The following RBFOX3 variants were observed in gnomAD, a reference collection of about 807,000 sequenced individuals.
RBFOX3 encodes the protein RNA binding fox-1 homolog 3, also known as RNA binding protein fox-1 homolog 3.
Under a neutral mutation model 48.7 loss-of-function variants are expected in RBFOX3, and 17 were observed. That is an observed-to-expected ratio of 0.35 (90% CI 0.24 to 0.52). The LOEUF is 0.52. Among genes scored for constraint, RBFOX3 ranks in the 20% least tolerant of loss-of-function variants. The probability of loss-of-function intolerance (pLI) is 0.94; values close to 1 mark genes in which losing one functional copy is unlikely to be tolerated. For missense variants in RBFOX3, 382 were observed against 497.5 expected (o/e 0.77, Z 2.21); for synonymous variants, 212 against 209.5 (o/e 1.01, Z -0.10).
At chr17:79,382,801 C>T (rs909513129) in intron 2 of RBFOX3, among the ~76,000 whole-genome samples, 2 of 152,208 alleles carry the variant, frequency 1.3e-5, no homozygotes, top group Non-Finnish European at 2.9e-5. Context: ...GGGCTCCTGC[C>T]ATCCTGGCGT....
At chr17:79,460,367 T>C (rs528153047) in intron 2 of RBFOX3, among the ~76,000 whole-genome samples, 1 of 152,106 alleles carries the variant, frequency 6.6e-6, no homozygotes, top group East Asian at 1.9e-4. Context: ...AGCAGCTTCC[T>C]AAAAGGCTTC....
chr17:79,135,883 G>C (rs985507131), intron 4 of RBFOX3: 4 of 152,254 alleles, frequency 2.6e-5, no homozygotes. Context: ...GCTATGAGCT[G>C]CTGAGAGCTG....
At chr17:79,228,462 A>G (rs1466924080) in intron 4 of RBFOX3, among the ~76,000 whole-genome samples, 1 of 152,080 alleles carries the variant, frequency 6.6e-6, no homozygotes, top group Non-Finnish European at 1.5e-5. Flanking sequence ...ACACAAACAC[A>G]CACACACTCA....
At chr17:79,602,930 C>T (rs1329708242) in intron 1 of RBFOX3, among the ~76,000 whole-genome samples, 2 of 151,830 alleles carry the variant, frequency 1.3e-5, no homozygotes, top group Non-Finnish European at 2.9e-5. Context: ...GATCCAATGC[C>T]ACTCCCTTTG....
chr17:79,152,537 C>G (rs1347198658), intron 4 of RBFOX3, among the ~76,000 whole-genome samples: 1 of 152,222 alleles, frequency 6.6e-6, no homozygotes, highest in African/African-American at 2.4e-5. Flanking sequence ...AGCTTCTTCA[C>G]CCCGCTTAAC....
intron 4 of RBFOX3, among the ~76,000 whole-genome samples, chr17:79,179,082 A>G (rs541613472): frequency 1.5e-4 from 23 of 152,382 alleles, no homozygotes; most frequent in African/African-American, 5.5e-4. Context: ...TCAACAGCCC[A>G]GGGAACAGAG....
At chr17:79,098,160 G>C (rs1355507234) in intron 9 of RBFOX3, 1 of 175,698 alleles carries the variant, frequency 5.7e-6, no homozygotes, top group Non-Finnish European at 1.2e-5. Flanking sequence ...CACCATCCGA[G>C]CTCCAGGTGG....
At position 79,337,496 on chromosome 17, in the gene RBFOX3, C is replaced by A. The variant is rs1261481611; in HGVS notation, c.-174-29672G>T. 3.3e-5 allele frequency among the ~76,000 whole-genome samples: 5 copies of A among 152,220 alleles called. No homozygotes were observed. In the East Asian group the frequency reaches 9.6e-4, roughly 29 times the overall value. ...ATCGGATCAAGAAAATGCAGTTGCGCCGGGCACGGTGGCTCACGCCTGTAA... is the reference window on the plus strand; with the variant it reads ...ATCGGATCAAGAAAATGCAGTTGCGACGGGCACGGTGGCTCACGCCTGTAA... On this transcript the variant is annotated intron_variant, in intron 2 of 14. Transcript: ENST00000693108.
intron 1 of RBFOX3, among the ~76,000 whole-genome samples, chr17:79,610,624 C>T (rs974250730): frequency 0.23 from 34,550 of 151,914 alleles, 8,673 homozygotes; most frequent in African/African-American, 0.63. Flanking sequence ...ACCCAGGGAC[C>T]CCGACCCCGC....
chr17:79,430,398 A>C (rs2068217317), intron 2 of RBFOX3, among the ~76,000 whole-genome samples: 1 of 152,244 alleles, frequency 6.6e-6, no homozygotes, highest in East Asian at 1.9e-4. Context: ...CCCTGCCTAC[A>C]GTTAAGGAGG....
At chr17:79,315,636 G>A (rs4790006) in intron 2 of RBFOX3, among the ~76,000 whole-genome samples, 149,271 of 152,370 alleles carry the variant, frequency 0.98, 73,202 homozygotes, top group East Asian at 1. Flanking sequence ...TAAAAGCCAC[G>A]TGATCAAATT....
chr17:79,383,955 T>C (rs4790024), intron 2 of RBFOX3, among the ~76,000 whole-genome samples: 29,779 of 151,762 alleles, frequency 0.2, 3,223 homozygotes, highest in South Asian at 0.3. Flanking sequence ...TCAGGGTATG[T>C]GGGGGAAGGC....
intron 5 of RBFOX3, among the ~76,000 whole-genome samples, chr17:79,109,552 C>A (rs575055186): frequency 1.3e-5 from 2 of 152,234 alleles, no homozygotes; most frequent in Non-Finnish European, 2.9e-5. Context: ...GAGGGGACGA[C>A]CTTACCCCTG....
rs946632189 is a variant in RBFOX3 at position 79,423,308 on chromosome 17, A to G, written c.-175+59146T>C. Among the ~76,000 whole-genome samples, 1 of 152,044 alleles carries G rather than the reference A, an allele frequency of 6.6e-6. No homozygotes were observed. Among genetic ancestry groups the G allele is most frequent in the African/African-American group, 2.4e-5 (1 of 41,374 alleles). On this transcript the variant is annotated intron_variant, in intron 2 of 14. Coordinates refer to ENST00000693108, the MANE Select transcript of RBFOX3 (RefSeq NM_001350451.2). The surrounding 1 kb of genome is among the most constrained non-coding windows in gnomAD (Gnocchi z 4.9). ...GACCGTCCTCGCCACGCCCCCATCG[A>G]CCAGGATGCCAGGAGCCAGGATGAT...
chr17:79,097,126 G>C (rs2075443437), intron 11 of RBFOX3, among the ~76,000 whole-genome samples, 166 bp downstream of exon 11: 1 of 151,978 alleles, frequency 6.6e-6, no homozygotes, highest in Non-Finnish European at 1.5e-5. Context: ...TAGGGGTGAA[G>C]ATAATGGAGG....
At chr17:79,579,739 G>A (rs1252315622) in intron 1 of RBFOX3, among the ~76,000 whole-genome samples, 1 of 150,046 alleles carries the variant, frequency 6.7e-6, no homozygotes, top group African/African-American at 2.5e-5. Flanking sequence ...CGCCGTGGTG[G>A]GGAGTCACTG....
intron 2 of RBFOX3, among the ~76,000 whole-genome samples, chr17:79,329,459 T>G (rs1363500192): frequency 6.6e-6 from 1 of 152,116 alleles, no homozygotes; most frequent in Admixed American, 6.5e-5. Flanking sequence ...ACCGTAGCAG[T>G]TCCTGCTGAT....
Position 79,368,750 on chromosome 17 carries a change from C to T in RBFOX3, c.-174-60926G>A, listed in dbSNP as rs74000006. On this transcript the variant is annotated intron_variant, in intron 2 of 14. Transcript: ENST00000693108. ...CCCTCCAGCCAGACACACGGGTGTC[C>T]GGGAGGTTGATCCTCAGCCAGGGCT... 3.6e-3 allele frequency among the ~76,000 whole-genome samples: 542 copies of T among 152,264 alleles called. 4 individuals are homozygous for T. Among genetic ancestry groups the T allele is most frequent in the African/African-American group, 0.013 (522 of 41,560 alleles).
At chr17:79,296,545 C>A (rs922012197) in intron 3 of RBFOX3, among the ~76,000 whole-genome samples, 2 of 152,076 alleles carry the variant, frequency 1.3e-5, no homozygotes, top group East Asian at 1.9e-4. Context: ...CCAGTCTAAC[C>A]CCTCCCCGGG....
Sources: gnomAD v4.1 joint callset for allele counts (sites outside exome capture counted in the v4.1 genomes callset) on GRCh38, gnomAD v4.1.1 for gene constraint, Gnocchi (gnomAD v3.1) non-coding constraint, MANE v1.5 for transcripts, NCBI Gene and HGNC (gene_info 2026-07-23, HGNC 2026-07-21) for gene names.